Variants in SHISAL1 observed in about 807,000 individuals in gnomAD.
SHISAL1 encodes shisa like 1, also known as protein shisa-like-1.
In SHISAL1, 9 loss-of-function variants were observed where a neutral mutation model predicts 22.6. The ratio of observed to expected loss-of-function variants is 0.40; its 90% CI spans 0.24 to 0.70. The LOEUF is 0.70. Ranked by LOEUF, SHISAL1 falls within the 30% of genes least tolerant of loss-of-function variation. The pLI is 0.39. For synonymous variants in SHISAL1, 119 were observed against 115.4 expected (o/e 1.03, Z -0.20); for missense variants, 246 against 270.6 (o/e 0.91, Z 0.64).
At chr22:44,323,441 C>A in the SHISAL1 span, among the ~76,000 whole-genome samples, 9 of 119,020 alleles carry the variant, frequency 7.6e-5, no homozygotes, top group African/African-American at 3.0e-4. Context: ...ATCCATCCAT[C>A]AACCATCCAT....
At chr22:44,327,118 C>T in the SHISAL1 span, among the ~76,000 whole-genome samples, 1 of 152,244 alleles carries the variant, frequency 6.6e-6, no homozygotes, top group African/African-American at 2.4e-5. Flanking sequence ...GCCCCCTCCA[C>T]CAGCAGTTCC....
rs1233790382 is a variant in SHISAL1, at chr22:44,285,624, A to G, written c.403T>C (p.Trp135Arg). 5.0e-6 allele frequency: 8 copies of G among 1,614,056 alleles called. No homozygotes were observed. The Admixed American group carries it at 1.2e-4, about 24-fold the overall frequency. Residue 135 changes from tryptophan to arginine, a missense_variant, in exon 4 of 5, where the codon TGG becomes CGG. Physicochemically the swap from Trp to Arg is moderately radical, Grantham distance 101 (BLOSUM62 -3). This residue lies in a region of SHISAL1 where 136 missense variants were observed against 117.5 expected (regional missense o/e 1.16). Coordinates refer to ENST00000381176, the MANE Select transcript of SHISAL1 (RefSeq NM_001099294.2). The part of the protein sequence containing the change: ...YDICKVYLAR[W>R]GIQGRWMKQD... The stretch of plus-strand genomic sequence containing the variant: ...TTCATCCATCGTCCTTGGATGCCCC[A>G]CCGTGCCAGGTAGACCTTGCAGATG...
the SHISAL1 span, among the ~76,000 whole-genome samples, chr22:44,327,582 C>T: frequency 2.0e-5 from 3 of 152,156 alleles, no homozygotes; most frequent in South Asian, 4.1e-4. Flanking sequence ...GGAAGCTGCC[C>T]GGGGGTGGGT....
chr22:44,318,253 G>A, the SHISAL1 span, among the ~76,000 whole-genome samples: 3 of 152,280 alleles, frequency 2.0e-5, no homozygotes, highest in South Asian at 6.2e-4. Flanking sequence ...GCTAAACTGC[G>A]TAGCATCGGT....
Position 44,247,462 on chromosome 22 carries a change from CAG to C in SHISAL1, c.*2221_*2222del, listed in dbSNP as rs1329110101. On this transcript the variant is annotated 3_prime_UTR_variant, in exon 5 of 5. Coordinates refer to ENST00000381176, the MANE Select transcript of SHISAL1 (RefSeq NM_001099294.2). ...AACATGGCCCTGGGACGGCTCACAT[CAG>C]GGGAGAGGAAGCCATTCCTTTCTCC... 6.6e-6 allele frequency: 1 copy of C among 152,378 alleles called. No homozygotes were observed. The highest frequency in any genetic ancestry group is 1.5e-5 in the Non-Finnish European group (1 of 68,190). 9.4% of individuals were successfully genotyped at this position (152,378 alleles called of 1,614,324 possible). A position where few individuals can be genotyped will look rare whatever the true frequency, so the allele number is the denominator to read the frequency against.
At chr22:44,284,041 G>A (rs1387109232) in intron 4 of SHISAL1, among the ~76,000 whole-genome samples, 1 of 151,982 alleles carries the variant, frequency 6.6e-6, no homozygotes, top group East Asian at 1.9e-4. Context: ...CCTGCCCAAG[G>A]ACCCACTCTG....
At chr22:44,321,548 C>A in the SHISAL1 span, among the ~76,000 whole-genome samples, 1 of 152,214 alleles carries the variant, frequency 6.6e-6, no homozygotes, top group Non-Finnish European at 1.5e-5. Flanking sequence ...GGGCTAGAGT[C>A]TGGAGCCAGA....
intron 4 of SHISAL1, among the ~76,000 whole-genome samples, chr22:44,281,944 G>A (rs542707325): frequency 1.3e-5 from 2 of 152,334 alleles, no homozygotes; most frequent in East Asian, 1.9e-4. Context: ...CTGGCCACGC[G>A]ATTCGGCAGC....
At chr22:44,266,542 G>A (rs1569211388) in intron 4 of SHISAL1, among the ~76,000 whole-genome samples, 3 of 147,620 alleles carry the variant, frequency 2.0e-5, no homozygotes, top group African/African-American at 7.8e-5. Flanking sequence ...GTGTGTGTGT[G>A]TGTGTGTGTG....
Position 44,281,445 on chromosome 22 carries a change from T to C in SHISAL1, c.599+3983A>G, listed in dbSNP as rs11912589. The stretch of plus-strand genomic sequence containing the variant: ...GTGTGTGTGAGTGTGTATGTGTGTG[T>C]GTTTGTGTCTGTGTGTGTAGGGGGT... On this transcript the variant is annotated intron_variant, in intron 4 of 4. Coordinates refer to ENST00000381176, the MANE Select transcript of SHISAL1 (RefSeq NM_001099294.2). Among the ~76,000 whole-genome samples, 329 of 152,102 alleles carry C rather than the reference T, an allele frequency of 2.2e-3. 1 individual carries two copies. Among genetic ancestry groups the C allele is most frequent in the African/African-American group, 7.7e-3 (319 of 41,468 alleles).
At chr22:44,325,784 C>A in the SHISAL1 span, among the ~76,000 whole-genome samples, 19,635 of 151,890 alleles carry the variant, frequency 0.13, 1,698 homozygotes, top group East Asian at 0.41. Context: ...CACAAAGGAA[C>A]CTTCATAACG....
chr22:44,299,249 C>G (rs1601801001), intron 2 of SHISAL1, among the ~76,000 whole-genome samples: 1 of 152,196 alleles, frequency 6.6e-6, no homozygotes, highest in Non-Finnish European at 1.5e-5. Flanking sequence ...AGCAGGGACG[C>G]AAAGGAGAGA....
At chr22:44,290,039 C>T (rs1415719262) in intron 3 of SHISAL1, among the ~76,000 whole-genome samples, 1 of 152,184 alleles carries the variant, frequency 6.6e-6, no homozygotes, top group African/African-American at 2.4e-5. Context: ...GAACGTCTTC[C>T]CGGGGCACAG....
At chr22:44,326,770 C>T in the SHISAL1 span, among the ~76,000 whole-genome samples, 2 of 151,866 alleles carry the variant, frequency 1.3e-5, no homozygotes, top group South Asian at 2.1e-4. Context: ...AGGTTGATGT[C>T]GAAAAATATA....
chr22:44,320,887 G>A, the SHISAL1 span, among the ~76,000 whole-genome samples: 1 of 152,214 alleles, frequency 6.6e-6, no homozygotes, highest in Non-Finnish European at 1.5e-5. Context: ...TCTCACCAGA[G>A]GCCAGCCACA....
intron 2 of SHISAL1, among the ~76,000 whole-genome samples, chr22:44,298,798 G>T (rs2055405745): frequency 6.6e-6 from 1 of 152,196 alleles, no homozygotes; most frequent in Non-Finnish European, 1.5e-5. Flanking sequence ...GCGAGGTTGG[G>T]GGATGTGGAA....
upstream of SHISAL1, among the ~76,000 whole-genome samples, chr22:44,314,124 C>T (rs1224479596): frequency 2.7e-5 from 4 of 147,286 alleles, no homozygotes; most frequent in Admixed American, 1.4e-4. Context: ...TTCAGTAACT[C>T]GTCCTGGGTC....
intron 1 of SHISAL1, among the ~76,000 whole-genome samples, chr22:44,311,626 T>G (rs1434100843): frequency 6.6e-6 from 1 of 152,198 alleles, no homozygotes; most frequent in South Asian, 2.1e-4. Flanking sequence ...ATTTTACAGA[T>G]GAGGAAGCTG....
At chr22:44,315,463 C>A (rs983805120), upstream of SHISAL1, among the ~76,000 whole-genome samples, 2 of 152,106 alleles carry the variant, frequency 1.3e-5, no homozygotes, top group Admixed American at 6.5e-5. Context: ...CTGTCCAATT[C>A]CAGTAGGGAA....
Sources: allele counts gnomAD v4.1 joint callset (sites outside exome capture counted in the v4.1 genomes callset), GRCh38; gene constraint gnomAD v4.1.1; regional missense constraint gnomAD v4.1.1; transcripts MANE v1.5; gene names NCBI Gene and HGNC (gene_info 2026-07-23, HGNC 2026-07-21).